The following PPARA variants were observed in gnomAD, a reference collection of about 807,000 sequenced individuals.
PPARA encodes peroxisome proliferator activated receptor alpha.
A neutral mutation model predicts 42.2 loss-of-function variants in PPARA; 22 were observed. The ratio of observed to expected loss-of-function variants is 0.52; its 90% confidence interval spans 0.37 to 0.74. The LOEUF (loss-of-function observed/expected upper bound fraction) is 0.74, where lower values mean the gene tolerates loss of function less well. PPARA is among the 30% of genes least tolerant of loss of function. PPARA has a pLI of 0.00. For synonymous variants in PPARA, 242 were observed against 239.3 expected, an observed-to-expected ratio of 1.01 and a Z score of -0.10; for missense variants, 465 against 608.2, an observed-to-expected ratio of 0.76 and a Z score of 2.48.
rs113471241 is a variant in PPARA at position 46,232,961 on chromosome 22, G to A, written c.1159+722G>A. 0.056 allele frequency among the ~76,000 whole-genome samples: 7,708 copies of A among 136,660 alleles called. 726 individuals carry two copies. Among genetic ancestry groups the A allele is most frequent in the African/African-American group, 0.2 (7,340 of 36,886 alleles). 89.7% of individuals were successfully genotyped at this position (136,660 alleles called of 152,430 possible). ...CACGCCACCACACTCCAGCCTGGGC[G>A]ACGAAGAATGACCCTGTCTCAAAAA... On this transcript the variant is annotated intron_variant, in intron 8 of 8. Transcript: ENST00000407236. This position sits in a 1 kb window ranked among gnomAD's most constrained non-coding sequence, Gnocchi z 5.3.
intron 2 of PPARA, among the ~76,000 whole-genome samples, chr22:46,170,080 C>T (rs937390046): frequency 6.6e-5 from 10 of 151,672 alleles, no homozygotes; most frequent in African/African-American, 2.4e-4. Context: ...GTTCCATTAG[C>T]ATTCTTGTCA....
intron 4 of PPARA, among the ~76,000 whole-genome samples, chr22:46,213,560 A>G (rs1268011056): frequency 1.4e-5 from 2 of 145,172 alleles, no homozygotes; most frequent in Non-Finnish European, 3.0e-5. Flanking sequence ...GGCACGCACC[A>G]CCATGGCAAG....
chr22:46,203,355 G>A lies in PPARA; in HGVS notation c.208+4764G>A, dbSNP rs188971033. Among the ~76,000 whole-genome samples, 4 of 152,276 alleles carry A rather than the reference G, an allele frequency of 2.6e-5. No individual in the cohort carries two copies. Among genetic ancestry groups the A allele is most frequent in the Non-Finnish European group, 4.4e-5 (3 of 68,016 alleles). ...ACTTTACACCCAGGAGACCGGATGG[G>A]TGAGGCTGGTTCACTCGGCCAAAGT... On this transcript the variant is annotated intron_variant, in intron 4 of 8. Coordinates refer to ENST00000407236, the MANE Select transcript of PPARA (RefSeq NM_005036.6). The surrounding 1 kb of genome is among the most constrained non-coding windows in gnomAD (Gnocchi z 5.8).
In PPARA at chr22:46,187,869, G is replaced by A. The variant is rs1174584473; in HGVS notation, c.-42-10473G>A. Among the ~76,000 whole-genome samples the A allele has an allele frequency of 6.6e-6, 1 of 152,200 alleles. No homozygotes were observed. The highest frequency in any genetic ancestry group is 2.4e-5 in the African/African-American group (1 of 41,442). ...TTGGATCTGGCTTGCCTTGTGACTT[G>A]CTTTGACCCACAGAACGTAACAGAA... On this transcript the variant is annotated intron_variant, in intron 3 of 8. Transcript: ENST00000407236. The surrounding 1 kb of genome is among the most constrained non-coding windows in gnomAD (Gnocchi z 4.9).
At chr22:46,154,634 T>G (rs1924976356) in intron 2 of PPARA, among the ~76,000 whole-genome samples, 1 of 151,906 alleles carries the variant, frequency 6.6e-6, no homozygotes, top group Non-Finnish European at 1.5e-5. Context: ...AAATAAATAT[T>G]TATGTAATCA....
In PPARA at chr22:46,195,994, C is replaced by G. The variant is rs1028853496; in HGVS notation, c.-42-2348C>G. 2.0e-5 allele frequency among the ~76,000 whole-genome samples: 3 copies of G among 152,202 alleles called. No homozygotes were observed. The highest frequency in any genetic ancestry group is 7.2e-5 in the African/African-American group (3 of 41,454). On this transcript the variant is annotated intron_variant, in intron 3 of 8. Coordinates refer to ENST00000407236, the MANE Select transcript of PPARA (RefSeq NM_005036.6). This position sits in a 1 kb window ranked among gnomAD's most constrained non-coding sequence, Gnocchi z 4.6. ...GCAGGGCGGTTCAGGCAGGTGGCAC[C>G]TGGGCAAAGGTGCAGACGTGGAATC...
chr22:46,198,362 C>G lies in PPARA; in HGVS notation c.-22C>G, dbSNP rs778017880. On this transcript the variant is annotated 5_prime_UTR_variant, in exon 4 of 9. Coordinates refer to ENST00000407236, the MANE Select transcript of PPARA (RefSeq NM_005036.6). ...CCCAGTAGCTTGGAGCTCGGCGGCA[C>G]AACCAGCACCATCTGGTCGCGATGG... 6.2e-7 allele frequency: 1 copy of G among 1,612,162 alleles called. No homozygotes were observed. Among genetic ancestry groups the G allele is most frequent in the Non-Finnish European group, 8.5e-7 (1 of 1,178,682 alleles).
rs1934832828 is a variant in PPARA, at chr22:46,219,653, C to G, written c.509-159C>G. Among the ~76,000 whole-genome samples, 2 of 152,162 alleles carry G rather than the reference C, an allele frequency of 1.3e-5. No homozygotes were observed. Among genetic ancestry groups the G allele is most frequent in the East Asian group, 3.8e-4 (2 of 5,202 alleles). On this transcript the variant is annotated intron_variant, in intron 6 of 8. Transcript: ENST00000407236. This position sits in a 1 kb window ranked among gnomAD's most constrained non-coding sequence, Gnocchi z 4.8. ...AGTGTATGGAGTTTGAGTTTTTCAT[C>G]TCTCCATAGTGGAAAGCCGAATAGT...
rs938985417 is a variant in PPARA at position 46,219,551 on chromosome 22, C to T, written c.509-261C>T. On this transcript the variant is annotated intron_variant, in intron 6 of 8. Coordinates refer to ENST00000407236, the MANE Select transcript of PPARA (RefSeq NM_005036.6). This position sits in a 1 kb window ranked among gnomAD's most constrained non-coding sequence, Gnocchi z 4.8. ...AGTGGTGTGCACCCTACTAATGAGA[C>T]GAACGATGGTGTCACCTTCAGCCTG... Among the ~76,000 whole-genome samples, 4 of 152,176 alleles carry T rather than the reference C, an allele frequency of 2.6e-5. No individual in the cohort carries two copies. Among genetic ancestry groups the T allele is most frequent in the Admixed American group, 2.0e-4 (3 of 15,270 alleles).
intron 2 of PPARA, among the ~76,000 whole-genome samples, chr22:46,168,378 A>G (rs1927436710): frequency 6.8e-6 from 1 of 146,010 alleles, no homozygotes; most frequent in African/African-American, 2.5e-5. Context: ...AAAAAAAAAA[A>G]GAAGAAAGCA....
chr22:46,186,799 C>T (rs1930879539), intron 3 of PPARA, among the ~76,000 whole-genome samples: 1 of 152,018 alleles, frequency 6.6e-6, no homozygotes, highest in South Asian at 2.1e-4. Context: ...AGAGGATACA[C>T]TCCAAGCCCC....
intron 4 of PPARA, among the ~76,000 whole-genome samples, chr22:46,205,481 A>T (rs1352893999): frequency 7.8e-6 from 1 of 128,664 alleles, no homozygotes; most frequent in Non-Finnish European, 1.6e-5. Flanking sequence ...CAGCCTCCCA[A>T]AGTGTTGGGA....
chr22:46,235,626 A>T lies in PPARA; in HGVS notation c.*246A>T. 1.9e-6 allele frequency: 1 copy of T among 537,496 alleles called. No homozygotes were observed. Among genetic ancestry groups the T allele is most frequent in the South Asian group, 2.0e-5 (1 of 49,420 alleles). The allele number at this position is 537,496 out of a possible 1,614,324, so 33.3% of individuals were successfully genotyped here. A position where few individuals can be genotyped will look rare whatever the true frequency, so the allele number is the denominator to read the frequency against. ...AGGACTGGGAAGATTACGGCGAATT[A>T]TGCTCAATGGTCTGATTTTAACTCA... On this transcript the variant is annotated 3_prime_UTR_variant, in exon 9 of 9. Transcript: ENST00000407236. This position sits in a 1 kb window ranked among gnomAD's most constrained non-coding sequence, Gnocchi z 7.0.
chr22:46,168,283 C>T lies in PPARA; in HGVS notation c.-126-8470C>T, dbSNP rs1468191921. Among the ~76,000 whole-genome samples, 20 of 123,088 alleles carry T rather than the reference C, an allele frequency of 1.6e-4. No homozygotes were observed. The Admixed American group carries it at 1.9e-3, about 12-fold the overall frequency. 80.8% of individuals were successfully genotyped at this position (123,088 alleles called of 152,430 possible). On this transcript the variant is annotated intron_variant, in intron 2 of 8. Coordinates refer to ENST00000407236, the MANE Select transcript of PPARA (RefSeq NM_005036.6). ...AGGAGAATGGCGTGAACCTGGGAGG[C>T]GGAGCTTGCAGTGAGCCAAGATCGT...
chr22:46,192,231 G>A lies in PPARA; in HGVS notation c.-42-6111G>A, dbSNP rs1230365561. Among the ~76,000 whole-genome samples the A allele has an allele frequency of 6.6e-6, 1 of 152,202 alleles. No homozygotes were observed. The highest frequency in any genetic ancestry group is 2.4e-5 in the African/African-American group (1 of 41,450). ...AAAGTTTCAACAGCACAGATAATCAGGGCTACACCAGAATTGGGCCCAAGA... is the reference window on the plus strand; with the variant it reads ...AAAGTTTCAACAGCACAGATAATCAAGGCTACACCAGAATTGGGCCCAAGA... On this transcript the variant is annotated intron_variant, in intron 3 of 8. Transcript: ENST00000407236. This position sits in a 1 kb window ranked among gnomAD's most constrained non-coding sequence, Gnocchi z 4.3.
chr22:46,198,662 T>C, intron 4 of PPARA, 71 bp downstream of exon 4: 4 of 1,200,046 alleles, frequency 3.3e-6, no homozygotes, highest in Non-Finnish European at 3.4e-6. Context: ...TTCTCTCTTT[T>C]TTTTTTTTTT....
In PPARA at chr22:46,240,226, G is replaced by A; in HGVS notation, c.*4846G>A. On this transcript the variant is annotated 3_prime_UTR_variant, in exon 9 of 9. Transcript: ENST00000407236. The surrounding 1 kb of genome is among the most constrained non-coding windows in gnomAD (Gnocchi z 6.0). Reference sequence around the variant, plus strand: ...TGGGCAGCTTTCAAAGCAGGTTCCTGTGGTCTCCTCAGCTGTTTGAGGGGG... The same window carrying A: ...TGGGCAGCTTTCAAAGCAGGTTCCTATGGTCTCCTCAGCTGTTTGAGGGGG... 5.0e-6 allele frequency: 2 copies of A among 398,714 alleles called. No homozygotes were observed. Among genetic ancestry groups the A allele is most frequent in the African/African-American group, 2.1e-5 (1 of 48,766 alleles). 24.7% of individuals were successfully genotyped at this position (398,714 alleles called of 1,614,324 possible). A position where few individuals can be genotyped will look rare whatever the true frequency, so the allele number is the denominator to read the frequency against.
In PPARA at chr22:46,171,482, G is replaced by A. The variant is rs562750114; in HGVS notation, c.-126-5271G>A. The A allele has an allele frequency of 1.3e-5, 2 of 153,128 alleles. No homozygotes were observed. The highest frequency in any genetic ancestry group is 1.9e-4 in the East Asian group (1 of 5,214). 9.5% of individuals were successfully genotyped at this position (153,128 alleles called of 1,614,324 possible). The stretch of plus-strand genomic sequence containing the variant: ...CCTTCAGGTACAGTAGGAGGAGCAA[G>A]CCCAGGACAGGTGAGTGGGTCAAGG... On this transcript the variant is annotated intron_variant, in intron 2 of 8. Coordinates refer to ENST00000407236, the MANE Select transcript of PPARA (RefSeq NM_005036.6). This position sits in a 1 kb window ranked among gnomAD's most constrained non-coding sequence, Gnocchi z 5.0.
chr22:46,195,516 T>C lies in PPARA; in HGVS notation c.-42-2826T>C, dbSNP rs761348901. ...TTGATGATTTCCCTGTGAACTTTGATGATTTATTGCCAGAATTCCAAACAT... is the reference window on the plus strand; with the variant it reads ...TTGATGATTTCCCTGTGAACTTTGACGATTTATTGCCAGAATTCCAAACAT... On this transcript the variant is annotated intron_variant, in intron 3 of 8. Coordinates refer to ENST00000407236, the MANE Select transcript of PPARA (RefSeq NM_005036.6). This position sits in a 1 kb window ranked among gnomAD's most constrained non-coding sequence, Gnocchi z 4.6. Among the ~76,000 whole-genome samples the C allele has an allele frequency of 3.3e-5, 5 of 152,190 alleles. No individual in the cohort carries two copies. The highest frequency in any genetic ancestry group is 5.9e-5 in the Non-Finnish European group (4 of 68,046).
Sources: allele counts gnomAD v4.1 joint callset (sites outside exome capture counted in the v4.1 genomes callset), GRCh38; gene constraint gnomAD v4.1.1; non-coding constraint Gnocchi (gnomAD v3.1); transcripts MANE v1.5; gene names NCBI Gene and HGNC (gene_info 2026-07-23, HGNC 2026-07-21).